WDFY4: variants seen among roughly 807,000 people sequenced by gnomAD.
The protein encoded by WDFY4 is WD repeat- and FYVE domain-containing protein 4.
A neutral mutation model predicts 351.9 loss-of-function variants in WDFY4; 169 were observed. The ratio of observed to expected loss-of-function variants is 0.48; its 90% CI spans 0.42 to 0.55. The LOEUF is 0.55. Among genes scored for constraint, WDFY4 ranks in the 20% least tolerant of loss-of-function variants. The probability of loss-of-function intolerance (pLI) is 0.00; values close to 1 mark genes in which losing one functional copy is unlikely to be tolerated. For missense variants in WDFY4, 3,803 were observed against 3,935.6 expected (o/e 0.97, Z 0.90); for synonymous variants, 1,622 against 1,574.6 (o/e 1.03, Z -0.71).
intron 47 of WDFY4, among the ~76,000 whole-genome samples, chr10:48,938,683 T>C (rs1840558869): frequency 2.0e-5 from 3 of 152,190 alleles, no homozygotes; most frequent in Non-Finnish European, 4.4e-5. Flanking sequence ...TAAGGCCACA[T>C]GGCAGTAGCG....
At chr10:48,951,143 T>C (rs1841303626) in intron 51 of WDFY4, among the ~76,000 whole-genome samples, 1 of 152,258 alleles carries the variant, frequency 6.6e-6, no homozygotes, top group African/African-American at 2.4e-5. Flanking sequence ...AGGTTTGAGC[T>C]GGTCTTATAA....
intron 42 of WDFY4, 130 bp downstream of exon 42, chr10:48,875,270 T>C: frequency 7.3e-6 from 3 of 413,754 alleles, no homozygotes; most frequent in Non-Finnish European, 7.9e-6. Context: ...TGGGACTTAT[T>C]GTTACTGCAC....
At chr10:48,704,136 TC>T (rs1312461554) in intron 1 of WDFY4, among the ~76,000 whole-genome samples, 2 of 151,832 alleles carry the variant, frequency 1.3e-5, no homozygotes, top group Admixed American at 6.6e-5. Flanking sequence ...CTGGACCTCT[TC>T]CCATTGTTCA....
chr10:48,846,453 C>T (rs1181019062), intron 39 of WDFY4, among the ~76,000 whole-genome samples: 2 of 152,202 alleles, frequency 1.3e-5, no homozygotes, highest in Non-Finnish European at 2.9e-5. Context: ...TCCTGGTGGG[C>T]AAGCCTTGTT....
chr10:48,777,109 C>A, intron 16 of WDFY4, 125 bp downstream of exon 16: 2 of 1,248,912 alleles, frequency 1.6e-6, no homozygotes, highest in East Asian at 2.5e-5. Context: ...AGGAAAATGT[C>A]TGGGTCATGG....
At chr10:48,895,296 G>A (rs551393012) in intron 44 of WDFY4, among the ~76,000 whole-genome samples, 2 of 152,240 alleles carry the variant, frequency 1.3e-5, no homozygotes, top group African/African-American at 4.8e-5. Context: ...GGGGCATGGA[G>A]GCTCCATGGG....
Position 48,743,135 on chromosome 10 carries a change from G to T in WDFY4, c.2046G>T (p.Leu682Phe), listed in dbSNP as rs1260168653. 3.9e-6 allele frequency: 6 copies of T among 1,551,678 alleles called. No individual in the cohort carries two copies. Among genetic ancestry groups the T allele is most frequent in the Non-Finnish European group, 5.2e-6 (6 of 1,146,992 alleles). Residue 682 changes from leucine (L) to phenylalanine (F), a missense_variant, in exon 12 of 62, where the codon TTG becomes TTT. Physicochemically the swap from Leu to Phe is conservative, Grantham distance 22. Transcript: ENST00000325239. ...VSPRQTLELV[L>F]YTLCAVSAAL... ...CCAGACAGACCCTGGAGCTGGTTTT[G>T]TACACTCTCTGTGCTGTGTCCGCAG...
chr10:48,861,669 C>T (rs989213378), intron 39 of WDFY4, among the ~76,000 whole-genome samples: 1 of 152,092 alleles, frequency 6.6e-6, no homozygotes, highest in Non-Finnish European at 1.5e-5. Context: ...TGTGTCTTGA[C>T]ATGGATTTCT....
At chr10:48,719,966 C>T (rs1451829848) in intron 2 of WDFY4, 45 bp from the exon 3 acceptor site, 8 of 1,522,476 alleles carry the variant, frequency 5.3e-6, no homozygotes, top group South Asian at 3.6e-5. Flanking sequence ...TCATGCCCTG[C>T]TTGTGGCATT....
intron 52 of WDFY4, among the ~76,000 whole-genome samples, chr10:48,959,285 G>A (rs773866759): frequency 1.4e-4 from 22 of 152,220 alleles, no homozygotes; most frequent in Non-Finnish European, 2.5e-4. Flanking sequence ...AAGATTCAGT[G>A]AGGTGATGTG....
At chr10:48,842,027 A>G (rs994020182) in intron 39 of WDFY4, among the ~76,000 whole-genome samples, 2 of 152,178 alleles carry the variant, frequency 1.3e-5, no homozygotes, top group African/African-American at 4.8e-5. Flanking sequence ...CACCTGATGC[A>G]GATGAGAAGA....
intron 51 of WDFY4, among the ~76,000 whole-genome samples, chr10:48,953,266 C>T (rs902752475): frequency 2.0e-5 from 3 of 150,542 alleles, no homozygotes; most frequent in African/African-American, 7.3e-5. Flanking sequence ...TCATTTGGCA[C>T]CTCTTTCTAT....
At chr10:48,759,185 T>C (rs1281801729) in intron 12 of WDFY4, among the ~76,000 whole-genome samples, 1 of 152,196 alleles carries the variant, frequency 6.6e-6, no homozygotes, top group Non-Finnish European at 1.5e-5. Context: ...ACTTGCTTCA[T>C]GCAGTAACTG....
intron 1 of WDFY4, among the ~76,000 whole-genome samples, chr10:48,700,378 G>C (rs934974806): frequency 1.3e-5 from 2 of 152,126 alleles, no homozygotes; most frequent in African/African-American, 4.8e-5. Context: ...AAATTCTCAG[G>C]GTCTTATGTC....
intron 39 of WDFY4, among the ~76,000 whole-genome samples, chr10:48,833,051 T>C (rs909779251): frequency 2.1e-4 from 32 of 152,292 alleles, no homozygotes; most frequent in African/African-American, 7.7e-4. Flanking sequence ...GTAGGCCCTC[T>C]TTACTGTGTG....
chr10:48,883,474 G>A (rs1257601302), intron 43 of WDFY4, among the ~76,000 whole-genome samples: 1 of 152,164 alleles, frequency 6.6e-6, no homozygotes, highest in Non-Finnish European at 1.5e-5. Context: ...GCAAGTGTTG[G>A]TTGTAAGCTG....
At chr10:48,821,678 C>G (rs142365358) in intron 34 of WDFY4, among the ~76,000 whole-genome samples, 1 of 152,304 alleles carries the variant, frequency 6.6e-6, no homozygotes, top group Non-Finnish European at 1.5e-5. Context: ...TAAACAAAAG[C>G]CTTTTCTGTG....
Position 48,826,886 on chromosome 10 carries a change from C to T in WDFY4, c.6198C>T (p.Cys2066=). Reference sequence around the variant, plus strand: ...GCTTCCTCCTGTGTCTCATGCATTGCCTTTTGCTACTCAATGAGAGAAGGT... The same window carrying T: ...GCTTCCTCCTGTGTCTCATGCATTGTCTTTTGCTACTCAATGAGAGAAGGT... The part of the protein sequence containing the change: ...NISFLLCLMH[C]LLLLNERSYP... The change falls in exon 36 of 62, where the codon TGC becomes TGT. Residue 2066 remains cysteine (C), a synonymous_variant. Transcript: ENST00000325239. The T allele has an allele frequency of 1.3e-6, 2 of 1,551,646 alleles. No individual in the cohort carries two copies. The highest frequency in any genetic ancestry group is 1.7e-6 in the Non-Finnish European group (2 of 1,146,986).
At chr10:48,921,323 A>C (rs1839056347) in intron 47 of WDFY4, among the ~76,000 whole-genome samples, 1 of 152,188 alleles carries the variant, frequency 6.6e-6, no homozygotes. Context: ...AACATGGCCA[A>C]ATGGTCAATT....
Sources: allele counts gnomAD v4.1 joint callset (sites outside exome capture counted in the v4.1 genomes callset), GRCh38; gene constraint gnomAD v4.1.1; transcripts MANE v1.5; gene names NCBI Gene and HGNC (gene_info 2026-07-23, HGNC 2026-07-21).